LPIN1: variants seen among roughly 807,000 people sequenced by gnomAD.
LPIN1 encodes the protein phosphatidate phosphatase LPIN1.
In LPIN1, 71 loss-of-function variants were observed where a neutral mutation model predicts 107.5. The ratio of observed to expected loss-of-function variants is 0.66; its 90% CI spans 0.55 to 0.80. The LOEUF (loss-of-function observed/expected upper bound fraction) is 0.80, where lower values mean the gene tolerates loss of function less well. Among genes scored for constraint, LPIN1 ranks in the 30% least tolerant of loss-of-function variants. The probability of loss-of-function intolerance (pLI) is 0.00; values close to 1 mark genes in which losing one functional copy is unlikely to be tolerated. For synonymous variants in LPIN1, 445 were observed against 452.6 expected (o/e 0.98, Z 0.21); for missense variants, 1,043 against 1,160.6 (o/e 0.90, Z 1.47).
At chr2:11,742,536 G>C (rs893347), upstream of LPIN1, among the ~76,000 whole-genome samples, 8,144 of 152,218 alleles carry the variant, frequency 0.054, 228 homozygotes, top group African/African-American at 0.062. Context: ...GGTGATATGC[G>C]GGGTCTTTTT....
At chr2:11,767,387 C>T (rs1185991857) in intron 2 of LPIN1, 8 of 282,650 alleles carry the variant, frequency 2.8e-5, no homozygotes, top group Non-Finnish European at 5.5e-5. Flanking sequence ...GCCTCAGCTC[C>T]TCAGCCAAAA....
chr2:11,685,327 A>G (rs1460675166), intron 1 of LPIN1, among the ~76,000 whole-genome samples: 1 of 152,184 alleles, frequency 6.6e-6, no homozygotes, highest in African/African-American at 2.4e-5. Context: ...ACAGGCCAGC[A>G]TGGAGGCATT....
chr2:11,794,784 C>A (rs1005786567), intron 13 of LPIN1, among the ~76,000 whole-genome samples: 5 of 152,138 alleles, frequency 3.3e-5, no homozygotes, highest in African/African-American at 1.2e-4. Flanking sequence ...TCCTTTAATC[C>A]CCATGGCAGC....
chr2:11,737,534 A>C (rs1665908069), intron 1 of LPIN1, among the ~76,000 whole-genome samples: 1 of 152,208 alleles, frequency 6.6e-6, no homozygotes, highest in Non-Finnish European at 1.5e-5. Flanking sequence ...AAACAAATTT[A>C]CAAGAAAAAA....
At position 11,795,547 on chromosome 2, in the gene LPIN1, T is replaced by C. The variant is rs148839245; in HGVS notation, c.1886+60T>C. ...CCTTTCCGCATCCAAGTTCATGGCG[T>C]GTGCTGCCTGGATGCAGATAGGGTT... On this transcript the variant is annotated intron_variant, in intron 14 of 20. Transcript: ENST00000674199. The C allele has an allele frequency of 1.6e-4, 229 of 1,438,580 alleles. 1 individual carries two copies. In the African/African-American group the frequency reaches 2.8e-3, roughly 18 times the overall value. 89.1% of individuals were successfully genotyped at this position (1,438,580 alleles called of 1,614,324 possible).
At position 11,715,846 on chromosome 2, in the gene LPIN1, C is replaced by T. The variant is rs575902024; in HGVS notation, c.138+2034C>T. ...ATGGGTACCGATGACCAGGAGGCCT[C>T]GTCTGCTTTTCTGAGGACCTTGAAC... On this transcript the variant is annotated intron_variant, in intron 2 of 21. Transcript: ENST00000449576. Among the ~76,000 whole-genome samples, 19 of 152,176 alleles carry T rather than the reference C, an allele frequency of 1.2e-4. No homozygotes were observed. The East Asian group carries it at 2.7e-3, about 22-fold the overall frequency.
intron 14 of LPIN1, among the ~76,000 whole-genome samples, chr2:11,800,700 GGGAAACA>G (rs1302233529): frequency 6.6e-6 from 1 of 152,168 alleles, no homozygotes; most frequent in Non-Finnish European, 1.5e-5. Flanking sequence ...GCAGGGGCGG[GGGAAACA>G]GGAGGCAGTA....
chr2:11,762,789 T>C (rs1389953017), intron 1 of LPIN1, among the ~76,000 whole-genome samples: 1 of 152,180 alleles, frequency 6.6e-6, no homozygotes, highest in Non-Finnish European at 1.5e-5. Flanking sequence ...CACTGAATGA[T>C]AGGAAAAGCT....
Position 11,786,778 on chromosome 2 carries a change from G to C in LPIN1, c.1550-296G>C, listed in dbSNP as rs981459282. Among the ~76,000 whole-genome samples the C allele has an allele frequency of 3.3e-5, 5 of 152,204 alleles. No homozygotes were observed. The highest frequency in any genetic ancestry group is 3.3e-4 in the Admixed American group (5 of 15,280). On this transcript the variant is annotated intron_variant, in intron 10 of 20. Transcript: ENST00000674199. This position sits in a 1 kb window ranked among gnomAD's most constrained non-coding sequence, Gnocchi z 4.1. ...GCGTAGCCATGACTCTGCCTGTGCA[G>C]ATGCACGTGTGTGCTGTTTTCACCC...
intron 14 of LPIN1, among the ~76,000 whole-genome samples, chr2:11,798,367 G>T (rs1677093286): frequency 6.6e-6 from 1 of 152,202 alleles, no homozygotes; most frequent in African/African-American, 2.4e-5. Flanking sequence ...AGTGGGCACA[G>T]TGGCATTGCT....
chr2:11,745,659 G>A (rs190732068), upstream of LPIN1, among the ~76,000 whole-genome samples: 3 of 152,334 alleles, frequency 2.0e-5, no homozygotes, highest in South Asian at 2.1e-4. Flanking sequence ...GCAGTGAACC[G>A]AGATTGTGCC....
chr2:11,704,015 C>G (rs888092475), intron 1 of LPIN1, among the ~76,000 whole-genome samples: 6 of 152,184 alleles, frequency 3.9e-5, no homozygotes, highest in African/African-American at 1.4e-4. Context: ...GAAGGCTCAC[C>G]TGGGACCATT....
At chr2:11,717,984 C>T (rs938955418) in intron 2 of LPIN1, among the ~76,000 whole-genome samples, 17 of 152,146 alleles carry the variant, frequency 1.1e-4, no homozygotes, top group Admixed American at 4.6e-4. Flanking sequence ...GCCTTTATCA[C>T]ACTCTCTAGT....
chr2:11,742,368 G>A (rs145763275), upstream of LPIN1, among the ~76,000 whole-genome samples: 2 of 152,284 alleles, frequency 1.3e-5, no homozygotes, highest in South Asian at 2.1e-4. Flanking sequence ...GGACTCTTAA[G>A]GGTTTTCTAC....
intron 1 of LPIN1, among the ~76,000 whole-genome samples, chr2:11,762,243 C>T (rs996040540): frequency 5.9e-5 from 9 of 152,252 alleles, no homozygotes; most frequent in Middle Eastern, 3.4e-3. Context: ...GTGGAGGCGG[C>T]GGTGGTGCTT....
chr2:11,787,966 A>G lies in LPIN1; in HGVS notation c.1644-421A>G, dbSNP rs184227954. 2.2e-3 allele frequency among the ~76,000 whole-genome samples: 337 copies of G among 151,908 alleles called. 4 individuals are homozygous for G. The Middle Eastern group carries it at 0.034, about 15-fold the overall frequency. On this transcript the variant is annotated intron_variant, in intron 11 of 20. Transcript: ENST00000674199. ...AAAAAAAAAAAAAAAGAAAAGAAAA[A>G]CTTCATTATCTGAGGGCAAGGGATG...
intron 1 of LPIN1, among the ~76,000 whole-genome samples, chr2:11,708,416 G>A (rs531443166): frequency 6.6e-6 from 1 of 152,210 alleles, no homozygotes; most frequent in South Asian, 2.1e-4. Flanking sequence ...GGAGGAAGCA[G>A]GGGAGCCTAG....
At chr2:11,815,360 A>G (rs1680393982) in intron 18 of LPIN1, 120 bp downstream of exon 18, 3 of 1,233,336 alleles carry the variant, frequency 2.4e-6, no homozygotes, top group Admixed American at 2.0e-5. Context: ...TCCATGCTCC[A>G]TAGCAGGCAC....
At chr2:11,775,572 T>C (rs1672527937) in intron 5 of LPIN1, among the ~76,000 whole-genome samples, 1 of 152,168 alleles carries the variant, frequency 6.6e-6, no homozygotes, top group Non-Finnish European at 1.5e-5. Flanking sequence ...AAAGAGACAA[T>C]TGACAGCACA....
Sources: allele counts gnomAD v4.1 joint callset (sites outside exome capture counted in the v4.1 genomes callset), GRCh38; gene constraint gnomAD v4.1.1; non-coding constraint Gnocchi (gnomAD v3.1); transcripts MANE v1.5; gene names NCBI Gene and HGNC (gene_info 2026-07-23, HGNC 2026-07-21).